The following GRM5 variants were observed in gnomAD, a reference collection of about 807,000 sequenced individuals.
The protein encoded by GRM5 is metabotropic glutamate receptor 5.
In GRM5, 19 loss-of-function variants were observed where a neutral mutation model predicts 83.1. The observed-to-expected ratio is 0.23, with a 90% CI of 0.16 to 0.34. The LOEUF (loss-of-function observed/expected upper bound fraction) is 0.34. Among genes scored for constraint, GRM5 ranks in the 10% least tolerant of loss-of-function variants. The probability of loss-of-function intolerance (pLI) is 1.00; values close to 1 mark genes in which losing one functional copy is unlikely to be tolerated. For synonymous variants in GRM5, 675 were observed against 633.6 expected (o/e 1.07, Z -0.98); for missense variants, 1,160 against 1,588.3 (o/e 0.73, Z 4.58).
chr11:89,045,305 T>C (rs1941619331), intron 2 of GRM5, among the ~76,000 whole-genome samples: 1 of 152,184 alleles, frequency 6.6e-6, no homozygotes, highest in Non-Finnish European at 1.5e-5. Context: ...ATAAAAATTA[T>C]GCATAAAATA....
At chr11:88,510,704 C>T (rs778281986) in intron 9 of GRM5, among the ~76,000 whole-genome samples, 3 of 152,098 alleles carry the variant, frequency 2.0e-5, no homozygotes, top group East Asian at 3.9e-4. Context: ...TTAGTAGATA[C>T]GGGGTTTCAC....
At chr11:88,590,758 T>G (rs1167305917) in intron 6 of GRM5, 31 bp from the exon 7 acceptor site, 1 of 1,592,466 alleles carries the variant, frequency 6.3e-7, no homozygotes, top group South Asian at 1.1e-5. Context: ...TTAGATTTTT[T>G]TTTGCATAGA....
rs533677632 is a variant in GRM5, at chr11:88,611,598, T to C, written c.1148-6634A>G. Among the ~76,000 whole-genome samples, 23 of 152,276 alleles carry C rather than the reference T, an allele frequency of 1.5e-4. No homozygotes were observed. The South Asian group carries it at 4.4e-3, about 29-fold the overall frequency. On this transcript the variant is annotated intron_variant, in intron 4 of 9. Coordinates refer to ENST00000305447, the MANE Select transcript of GRM5 (RefSeq NM_001143831.3). Reference sequence around the variant, plus strand: ...TTTCTAATTGTGTTTATTTGGATCTTCTCTTTCTTTCTTTATTAACCTAGC... The same window carrying C: ...TTTCTAATTGTGTTTATTTGGATCTCCTCTTTCTTTCTTTATTAACCTAGC...
intron 2 of GRM5, among the ~76,000 whole-genome samples, chr11:88,871,389 C>T (rs1477866945): frequency 2.6e-5 from 4 of 151,544 alleles, no homozygotes; most frequent in Non-Finnish European, 5.9e-5. Flanking sequence ...ATAGAGGAGA[C>T]CTACATGCAT....
chr11:88,892,438 C>T (rs1945161824), intron 2 of GRM5, among the ~76,000 whole-genome samples: 1 of 151,986 alleles, frequency 6.6e-6, no homozygotes, highest in South Asian at 2.1e-4. Context: ...AAACCCATTG[C>T]TGAACTTGGC....
intron 3 of GRM5, among the ~76,000 whole-genome samples, chr11:88,729,323 T>A (rs1327594349): frequency 2.0e-5 from 3 of 151,214 alleles, no homozygotes; most frequent in East Asian, 1.9e-4. Flanking sequence ...TTAGAAGGGA[T>A]GTGAAGGACC....
rs534603408 is a variant in GRM5 at position 88,622,084 on chromosome 11, C to G, written c.1148-17120G>C. Among the ~76,000 whole-genome samples the G allele has an allele frequency of 3.0e-4, 17 of 56,994 alleles. No individual in the cohort carries two copies. In the East Asian group the frequency reaches 0.015, roughly 49 times the overall value. 37.4% of individuals were successfully genotyped at this position (56,994 alleles called of 152,430 possible). A position where few individuals can be genotyped will look rare whatever the true frequency, so the allele number is the denominator to read the frequency against. Reference sequence around the variant, plus strand: ...TAGGACATAGATATTCCTTTAAAATCACAACACTATTTTCAACCATGGCAA... The same window carrying G: ...TAGGACATAGATATTCCTTTAAAATGACAACACTATTTTCAACCATGGCAA... On this transcript the variant is annotated intron_variant, in intron 4 of 9. Coordinates refer to ENST00000305447, the MANE Select transcript of GRM5 (RefSeq NM_001143831.3).
intron 3 of GRM5, among the ~76,000 whole-genome samples, chr11:88,715,110 A>G (rs1941371934): frequency 6.6e-6 from 1 of 152,042 alleles, no homozygotes; most frequent in Non-Finnish European, 1.5e-5. Flanking sequence ...TCTGAAATAG[A>G]CATAATTATG....
intron 3 of GRM5, among the ~76,000 whole-genome samples, chr11:88,832,322 C>A (rs1183593983): frequency 1.3e-5 from 2 of 152,038 alleles, no homozygotes; most frequent in East Asian, 3.9e-4. Flanking sequence ...TTTCTATACA[C>A]CAATAATGAA....
intron 4 of GRM5, among the ~76,000 whole-genome samples, chr11:88,647,634 A>G (rs1028992987): frequency 6.6e-6 from 1 of 152,152 alleles, no homozygotes; most frequent in African/African-American, 2.4e-5. Flanking sequence ...AATGGCAACA[A>G]AAGACAAAAT....
intron 2 of GRM5, among the ~76,000 whole-genome samples, chr11:88,926,905 A>C (rs1223139184): frequency 6.6e-6 from 1 of 152,200 alleles, no homozygotes; most frequent in Non-Finnish European, 1.5e-5. Flanking sequence ...TTTTGACTAC[A>C]TAAATTAATT....
chr11:88,670,791 C>T (rs934704037), intron 3 of GRM5, among the ~76,000 whole-genome samples: 9 of 151,938 alleles, frequency 5.9e-5, no homozygotes, highest in African/African-American at 1.9e-4. Context: ...AAGTTAAAAA[C>T]GATCGACATA....
chr11:89,058,025 C>T (rs1353198184), intron 1 of GRM5, among the ~76,000 whole-genome samples: 1 of 152,066 alleles, frequency 6.6e-6, no homozygotes, highest in Non-Finnish European at 1.5e-5. Flanking sequence ...GGACATGAAT[C>T]CAACTATATT....
At chr11:88,676,938 T>G (rs2135339983) in intron 3 of GRM5, among the ~76,000 whole-genome samples, 1 of 152,194 alleles carries the variant, frequency 6.6e-6, no homozygotes, top group South Asian at 2.1e-4. Context: ...GTAGAACAGC[T>G]AATTATATGA....
chr11:88,948,176 A>G (rs557012470), intron 2 of GRM5, among the ~76,000 whole-genome samples: 1 of 149,876 alleles, frequency 6.7e-6, no homozygotes, highest in African/African-American at 2.5e-5. Context: ...GAAAGAAAAC[A>G]AAAAAGCTGC....
At chr11:88,747,694 C>T (rs568183506) in intron 3 of GRM5, among the ~76,000 whole-genome samples, 11 of 126,772 alleles carry the variant, frequency 8.7e-5, no homozygotes, top group South Asian at 3.8e-4. Context: ...TTTGTCTAAC[C>T]GGCTATCCAG....
intron 3 of GRM5, among the ~76,000 whole-genome samples, chr11:88,785,715 G>A (rs934629650): frequency 1.4e-4 from 22 of 152,072 alleles, no homozygotes; most frequent in African/African-American, 5.3e-4. Context: ...TGTGACTGAT[G>A]AAGTGAAGCC....
intron 4 of GRM5, among the ~76,000 whole-genome samples, chr11:88,651,016 G>A (rs79576828): frequency 2.6e-5 from 4 of 151,852 alleles, no homozygotes; most frequent in African/African-American, 7.3e-5. Flanking sequence ...AGATTCCAAG[G>A]GGGGGGATGG....
At chr11:88,988,868 C>T (rs1339635934) in intron 2 of GRM5, among the ~76,000 whole-genome samples, 1 of 147,028 alleles carries the variant, frequency 6.8e-6, no homozygotes, top group Non-Finnish European at 1.5e-5. Flanking sequence ...AAGTGCTAAA[C>T]ATGGAAAGGA....
Sources: gnomAD v4.1 joint callset for allele counts (sites outside exome capture counted in the v4.1 genomes callset) on GRCh38, gnomAD v4.1.1 for gene constraint, MANE v1.5 for transcripts, NCBI Gene and HGNC (gene_info 2026-07-23, HGNC 2026-07-21) for gene names.